PKIA: variants seen among roughly 807,000 people sequenced by gnomAD.
The protein encoded by PKIA is PKI-alpha.
In PKIA, 4 loss-of-function variants were observed where a neutral mutation model predicts 7.6. The ratio of observed to expected loss-of-function variants is 0.52; its 90% CI spans 0.26 to 1.20. The LOEUF (loss-of-function observed/expected upper bound fraction) is 1.20. PKIA is among the 50% of genes most tolerant of loss of function. The pLI, the probability that PKIA is intolerant of heterozygous loss-of-function variation, is 0.13. For synonymous variants in PKIA, 21 were observed against 30.7 expected (o/e 0.68, Z 1.04); for missense variants, 73 against 86.2 (o/e 0.85, Z 0.61).
intron 1 of PKIA, among the ~76,000 whole-genome samples, chr8:78,540,218 T>C (rs1179948288): frequency 6.6e-6 from 1 of 151,980 alleles, no homozygotes; most frequent in East Asian, 1.9e-4. Flanking sequence ...AATATAGGTC[T>C]CGAGGGTGCC....
At chr8:78,596,881 C>T (rs539305484) in intron 2 of PKIA, among the ~76,000 whole-genome samples, 2 of 152,198 alleles carry the variant, frequency 1.3e-5, no homozygotes, top group East Asian at 3.9e-4. Context: ...GGAAAAGGTC[C>T]AGTCTTCAAT....
In PKIA at chr8:78,585,847, A is replaced by G. The variant is rs79064685; in HGVS notation, c.-27-12511A>G. Among the ~76,000 whole-genome samples, 289 of 152,314 alleles carry G rather than the reference A, an allele frequency of 1.9e-3. 8 individuals carry two copies. In the East Asian group the frequency reaches 0.053, roughly 28 times the overall value. On this transcript the variant is annotated intron_variant, in intron 2 of 3. Transcript: ENST00000396418. Reference sequence around the variant, plus strand: ...CATTTTCATTCACTCAGAAAAGAAAAGATCGCCGAGTTTAGCTTAAATGTA... The same window carrying G: ...CATTTTCATTCACTCAGAAAAGAAAGGATCGCCGAGTTTAGCTTAAATGTA...
chr8:78,565,738 T>C (rs1807396447), intron 1 of PKIA, among the ~76,000 whole-genome samples: 2 of 151,946 alleles, frequency 1.3e-5, no homozygotes, highest in Non-Finnish European at 2.9e-5. Context: ...TAGTTTCTTT[T>C]ACAGGACCAG....
chr8:78,535,267 A>G (rs1806492966), intron 1 of PKIA: 1 of 152,146 alleles, frequency 6.6e-6, no homozygotes, highest in Admixed American at 6.6e-5. Context: ...GGTTCCTTCC[A>G]ATAGTTTGTA....
At chr8:78,517,217 C>G (rs140776733) in intron 1 of PKIA, among the ~76,000 whole-genome samples, 1 of 152,268 alleles carries the variant, frequency 6.6e-6, no homozygotes, top group African/African-American at 2.4e-5. Flanking sequence ...ATTCGGTATT[C>G]TCCCTGTATA....
At chr8:78,521,192 T>C (rs1278629171) in intron 1 of PKIA, among the ~76,000 whole-genome samples, 1 of 152,114 alleles carries the variant, frequency 6.6e-6, no homozygotes, top group Non-Finnish European at 1.5e-5. Context: ...CAGCAGTTGA[T>C]TGGTGTAGTT....
chr8:78,554,471 C>A (rs1356849059), intron 1 of PKIA, among the ~76,000 whole-genome samples: 1 of 139,690 alleles, frequency 7.2e-6, no homozygotes, highest in Non-Finnish European at 1.5e-5. Context: ...AGGTAAAGGG[C>A]AAGCTAAGAA....
intron 1 of PKIA, among the ~76,000 whole-genome samples, chr8:78,537,848 T>A (rs1381985684): frequency 1.3e-5 from 2 of 152,092 alleles, no homozygotes; most frequent in Non-Finnish European, 2.9e-5. Context: ...CATACTTATC[T>A]ATTGACAGTT....
intron 1 of PKIA, among the ~76,000 whole-genome samples, chr8:78,548,874 C>A (rs1041112857): frequency 5.3e-5 from 8 of 151,992 alleles, no homozygotes; most frequent in Admixed American, 2.0e-4. Context: ...TATAAAATAT[C>A]ATACTATCAT....
chr8:78,598,469 T>C lies in PKIA; in HGVS notation c.85T>C (p.Ser29Pro), dbSNP rs774497328. Reference sequence around the variant, plus strand: ...AAATGCAATACATGATATCCTGGTTTCCTCTGCAAGTGGCAACAGCAATGA... The same window carrying C: ...AAATGCAATACATGATATCCTGGTTCCCTCTGCAAGTGGCAACAGCAATGA... ...RRNAIHDILV[S>P]SASGNSNELA... The change falls in exon 3 of 4, where the codon TCC (serine) becomes CCC (proline). Residue 29 changes from serine to proline, a missense_variant. Physicochemically the swap from Ser to Pro is moderately conservative, Grantham distance 74. Transcript: ENST00000396418. 1.9e-6 allele frequency: 3 copies of C among 1,611,542 alleles called. No homozygotes were observed. Among genetic ancestry groups the C allele is most frequent in the African/African-American group, 2.7e-5 (2 of 74,828 alleles).
intron 1 of PKIA, among the ~76,000 whole-genome samples, chr8:78,548,451 T>C (rs1806889597): frequency 6.6e-6 from 1 of 152,138 alleles, no homozygotes; most frequent in Non-Finnish European, 1.5e-5. Context: ...TATTACAGGA[T>C]CTTTGCATAC....
At chr8:78,593,593 T>C (rs1808156604) in intron 2 of PKIA, among the ~76,000 whole-genome samples, 1 of 152,246 alleles carries the variant, frequency 6.6e-6, no homozygotes, top group Non-Finnish European at 1.5e-5. Flanking sequence ...AACCAAATAC[T>C]GTGTTGGTTA....
chr8:78,558,563 A>G (rs1418861471), intron 1 of PKIA: 1 of 152,600 alleles, frequency 6.6e-6, no homozygotes, highest in East Asian at 1.9e-4. Context: ...AGAGGTACTC[A>G]CTATCACGAG....
chr8:78,590,639 T>C (rs549303489), intron 2 of PKIA, among the ~76,000 whole-genome samples: 1 of 150,842 alleles, frequency 6.6e-6, no homozygotes, highest in Non-Finnish European at 1.5e-5. Flanking sequence ...ATGCCATACT[T>C]GTCACTATTT....
chr8:78,522,253 C>A (rs1255147828), intron 1 of PKIA, among the ~76,000 whole-genome samples: 1 of 151,716 alleles, frequency 6.6e-6, no homozygotes, highest in African/African-American at 2.4e-5. Context: ...TGGTCAAAAC[C>A]CATTGAAAAA....
At chr8:78,572,541 GCACACA>G (rs1554582465) in intron 1 of PKIA, among the ~76,000 whole-genome samples, 46 of 98,440 alleles carry the variant, frequency 4.7e-4, no homozygotes, top group East Asian at 2.1e-3. Context: ...AAAGCTGCAC[GCACACA>G]CACACACACA....
At chr8:78,571,581 G>C (rs1807548655) in intron 1 of PKIA, among the ~76,000 whole-genome samples, 1 of 152,058 alleles carries the variant, frequency 6.6e-6, no homozygotes, top group Admixed American at 6.6e-5. Flanking sequence ...TGTTCTTCAG[G>C]GTTCCACAGG....
chr8:78,561,715 T>C (rs1472551173), intron 1 of PKIA, among the ~76,000 whole-genome samples: 2 of 152,202 alleles, frequency 1.3e-5, no homozygotes, highest in Non-Finnish European at 1.5e-5. Flanking sequence ...TGACTAGCTA[T>C]GTAACCTTAG....
At position 78,537,226 on chromosome 8, in the gene PKIA, C is replaced by T. The variant is rs557227974; in HGVS notation, c.-157+20758C>T. On this transcript the variant is annotated intron_variant, in intron 1 of 3. Transcript: ENST00000396418. ...ACTCATAAGCTTCTTTCATGGCAAA[C>T]CCTGATATTTTTTTCCTAGGTAGAA... is the stretch of plus-strand genomic sequence containing the variant. Among the ~76,000 whole-genome samples the T allele has an allele frequency of 5.3e-5, 8 of 150,926 alleles. No individual in the cohort carries two copies. In the South Asian group the frequency reaches 1.7e-3, roughly 32 times the overall value.
Sources: allele counts gnomAD v4.1 joint callset (sites outside exome capture counted in the v4.1 genomes callset), GRCh38; gene constraint gnomAD v4.1.1; transcripts MANE v1.5; gene names NCBI Gene and HGNC (gene_info 2026-07-23, HGNC 2026-07-21).